Variants in KIF27 observed in about 807,000 individuals in gnomAD.
The protein encoded by KIF27 is kinesin family member 27.
Under a neutral mutation model 141.8 loss-of-function variants are expected in KIF27, and 84 were observed. That is an observed-to-expected ratio of 0.59 (90% CI 0.50 to 0.71). KIF27 has a LOEUF of 0.71. Among genes scored for constraint, KIF27 ranks in the 30% least tolerant of loss-of-function variants. The probability of loss-of-function intolerance (pLI) is 0.00; values close to 1 mark genes in which losing one functional copy is unlikely to be tolerated. For synonymous variants in KIF27, 471 were observed against 569.5 expected (o/e 0.83, Z 2.46); for missense variants, 1,306 against 1,628.4 (o/e 0.80, Z 3.41).
chr9:83,873,115 T>G (rs999592779), intron 11 of KIF27, among the ~76,000 whole-genome samples: 16 of 152,116 alleles, frequency 1.1e-4, no homozygotes, highest in Admixed American at 7.2e-4. Flanking sequence ...CTTATAATGC[T>G]AGTGGGAGAT....
chr9:83,855,322 C>T (rs1335157682), intron 14 of KIF27: 3 of 152,224 alleles, frequency 2.0e-5, no homozygotes, highest in Non-Finnish European at 4.4e-5. Context: ...AGGTGTGAGC[C>T]ACCATGCCTG....
Position 83,888,512 on chromosome 9 carries a change from T to A in KIF27, c.2060A>T (p.Gln687Leu), listed in dbSNP as rs762929444. The A allele has an allele frequency of 1.9e-6, 3 of 1,588,204 alleles. No homozygotes were observed. The highest frequency in any genetic ancestry group is 2.6e-6 in the Non-Finnish European group (3 of 1,163,580). ...ACCTTCATTCTCCAAATCTGACTTT[T>A]GTGTTTCATCCTGAGTATCACTCAA... ...VELSDTQDET[Q>L]KSDLENEDLK... The change falls in exon 8 of 18, where the codon CAA becomes CTA. Residue 687 changes from glutamine to leucine, a missense_variant. Gln to Leu is a moderately radical substitution (Grantham distance 113, BLOSUM62 -2). This residue lies in a region of KIF27 where 596 missense variants were observed against 751.6 expected (regional missense o/e 0.79). Transcript: ENST00000297814.
chr9:83,874,257 T>A lies in KIF27; in HGVS notation c.2644-3625A>T, dbSNP rs147450042. ...ATATAGGGACTATTATAAAATCCATTTTATAGATGAGGAAATGGGTGGTTA... is the reference window on the plus strand; with the variant it reads ...ATATAGGGACTATTATAAAATCCATATTATAGATGAGGAAATGGGTGGTTA... On this transcript the variant is annotated intron_variant, in intron 11 of 17. Transcript: ENST00000297814. 6.8e-3 allele frequency among the ~76,000 whole-genome samples: 1,041 copies of A among 152,198 alleles called. 16 individuals carry two copies. Among genetic ancestry groups the A allele is most frequent in the African/African-American group, 0.024 (999 of 41,522 alleles).
intron 13 of KIF27, among the ~76,000 whole-genome samples, chr9:83,860,912 A>T (rs1449740043): frequency 2.0e-5 from 3 of 149,554 alleles, no homozygotes; most frequent in Admixed American, 6.7e-5. Context: ...GAAAATGCTT[A>T]TTCTAGCTTC....
At chr9:83,895,717 T>C (rs1047011320) in intron 5 of KIF27, among the ~76,000 whole-genome samples, 1 of 151,890 alleles carries the variant, frequency 6.6e-6, no homozygotes, top group Non-Finnish European at 1.5e-5. Flanking sequence ...ATGACATAAT[T>C]ATAAATGAAA....
intron 15 of KIF27, among the ~76,000 whole-genome samples, chr9:83,852,560 CTACTGA>C (rs1948733422): frequency 6.6e-6 from 1 of 152,132 alleles, no homozygotes; most frequent in South Asian, 2.1e-4. Flanking sequence ...CAGTAGCTTA[CTACTGA>C]TGATGATTAT....
intron 15 of KIF27, among the ~76,000 whole-genome samples, chr9:83,851,072 G>A (rs531427730): frequency 4.6e-5 from 7 of 151,750 alleles, no homozygotes; most frequent in Admixed American, 1.3e-4. Flanking sequence ...TCCTGACCTC[G>A]TGATCTTCCT....
Position 83,834,950 on chromosome 9 carries a change from T to C in KIF27, c.*2051A>G, listed in dbSNP as rs1945654950. Among the ~76,000 whole-genome samples, 1 of 149,100 alleles carries C rather than the reference T, an allele frequency of 6.7e-6. No homozygotes were observed. The highest frequency in any genetic ancestry group is 1.5e-5 in the Non-Finnish European group (1 of 67,356). On this transcript the variant is annotated 3_prime_UTR_variant, in exon 18 of 18. Transcript: ENST00000297814. ...AATACTATATATATACAAGTGTTTA[T>C]ATACAAGTATATATAATGGTAAAAG... is the stretch of plus-strand genomic sequence containing the variant.
intron 2 of KIF27, among the ~76,000 whole-genome samples, chr9:83,909,611 C>CAA (rs535947964): frequency 0.012 from 859 of 70,390 alleles, 12 homozygotes; most frequent in East Asian, 0.062. Context: ...GAAACTGTCT[C>CAA]AAAAAAAAAA....
chr9:83,898,030 G>T (rs1953453325), intron 5 of KIF27, among the ~76,000 whole-genome samples: 1 of 151,966 alleles, frequency 6.6e-6, no homozygotes, highest in Non-Finnish European at 1.5e-5. Flanking sequence ...AAAACAATCT[G>T]GTATCACCTA....
chr9:83,864,265 T>C (rs899744926), intron 13 of KIF27, among the ~76,000 whole-genome samples: 3 of 152,244 alleles, frequency 2.0e-5, no homozygotes, highest in Non-Finnish European at 2.9e-5. Context: ...ATTGTGATGT[T>C]AGGCTGTTAA....
chr9:83,899,576 T>A, intron 5 of KIF27, 85 bp downstream of exon 5: 1 of 945,626 alleles, frequency 1.1e-6, no homozygotes, highest in Non-Finnish European at 1.6e-6. Context: ...TTTTTTAAGT[T>A]CCCATTTATC....
At chr9:83,874,800 G>A (rs1194058082) in intron 11 of KIF27, among the ~76,000 whole-genome samples, 1 of 150,092 alleles carries the variant, frequency 6.7e-6, no homozygotes, top group Non-Finnish European at 1.5e-5. Flanking sequence ...GAGGTACGCT[G>A]GCATGTGCCT....
At chr9:83,902,320 T>G (rs1274195168) in intron 4 of KIF27, among the ~76,000 whole-genome samples, 1 of 152,236 alleles carries the variant, frequency 6.6e-6, no homozygotes, top group African/African-American at 2.4e-5. Flanking sequence ...CCATGTTGTC[T>G]CAGGAACAAC....
intron 15 of KIF27, among the ~76,000 whole-genome samples, chr9:83,853,252 G>A (rs984532563): frequency 6.6e-5 from 10 of 152,114 alleles, no homozygotes; most frequent in African/African-American, 2.4e-4. Flanking sequence ...AGCAATGAAG[G>A]AAAGGGAATC....
At chr9:83,875,324 A>T (rs1343363773) in intron 11 of KIF27, among the ~76,000 whole-genome samples, 1 of 152,198 alleles carries the variant, frequency 6.6e-6, no homozygotes, top group African/African-American at 2.4e-5. Context: ...TTTCTAGCAC[A>T]CCCAACTGAT....
At chr9:83,839,635 T>G (rs549565426) in intron 17 of KIF27, among the ~76,000 whole-genome samples, 29 of 152,180 alleles carry the variant, frequency 1.9e-4, no homozygotes, top group Admixed American at 7.2e-4. Context: ...GAAAATATAA[T>G]TCTTGTAGGC....
intron 2 of KIF27, among the ~76,000 whole-genome samples, chr9:83,909,611 CAA>C (rs535947964): frequency 2.6e-4 from 18 of 70,450 alleles, no homozygotes; most frequent in Admixed American, 3.5e-4. Context: ...GAAACTGTCT[CAA>C]AAAAAAAAAA....
chr9:83,916,277 C>G lies in KIF27; in HGVS notation c.-87-599G>C, dbSNP rs901905198. Among the ~76,000 whole-genome samples, 4 of 152,298 alleles carry G rather than the reference C, an allele frequency of 2.6e-5. No individual in the cohort carries two copies. In the South Asian group the frequency reaches 8.3e-4, roughly 32 times the overall value. ...CAAGCTCCGAACCTCAGGTGACCCG[C>G]CCGCCTCGGCCTCCCAAGTGCCAGG... On this transcript the variant is annotated intron_variant, in intron 1 of 17. Transcript: ENST00000297814.
Sources: gnomAD v4.1 joint callset for allele counts (sites outside exome capture counted in the v4.1 genomes callset) on GRCh38, gnomAD v4.1.1 for gene constraint, gnomAD v4.1.1 regional missense constraint, MANE v1.5 for transcripts, NCBI Gene and HGNC (gene_info 2026-07-23, HGNC 2026-07-21) for gene names.